STK39: variants seen among roughly 807,000 people sequenced by gnomAD.
STK39 encodes the protein serine/threonine kinase 39.
STK39 carries 20 observed loss-of-function variants against 77.8 expected under a neutral mutation model. The ratio of observed to expected loss-of-function variants is 0.26; its 90% confidence interval spans 0.18 to 0.37. The LOEUF is 0.37. STK39 is among the 10% of genes least tolerant of loss of function. The pLI is 1.00. For missense variants in STK39, 479 were observed against 656.5 expected, an observed-to-expected ratio of 0.73 and a Z score of 2.95; for synonymous variants, 246 against 234.1, an observed-to-expected ratio of 1.05 and a Z score of -0.47.
At chr2:168,156,556 C>G (rs553838424) in intron 5 of STK39, among the ~76,000 whole-genome samples, 453 of 152,290 alleles carry the variant, frequency 3.0e-3, no homozygotes, top group Non-Finnish European at 4.9e-3. Context: ...GTGAGCTTAC[C>G]ACACCCTAAG....
chr2:168,245,227 C>A (rs537332567), intron 1 of STK39, among the ~76,000 whole-genome samples: 1 of 152,202 alleles, frequency 6.6e-6, no homozygotes, highest in African/African-American at 2.4e-5. Context: ...CCCAGCTCAA[C>A]TACGACCTCT....
At chr2:168,025,946 T>C (rs6717944) in intron 14 of STK39, among the ~76,000 whole-genome samples, 99,285 of 152,108 alleles carry the variant, frequency 0.65, 33,379 homozygotes, top group Non-Finnish European at 0.74. Context: ...TTACCAGCAA[T>C]GACATTCAGT....
chr2:168,034,718 TC>T (rs1684909167), intron 14 of STK39, among the ~76,000 whole-genome samples: 1 of 152,194 alleles, frequency 6.6e-6, no homozygotes, highest in Non-Finnish European at 1.5e-5. Flanking sequence ...GCAGAAACGC[TC>T]CTGGCAACCA....
At chr2:168,023,558 G>A (rs1684625107) in intron 14 of STK39, among the ~76,000 whole-genome samples, 2 of 152,078 alleles carry the variant, frequency 1.3e-5, no homozygotes, top group South Asian at 4.2e-4. Context: ...TATTGCTCCT[G>A]GAGGGCTCCA....
At chr2:168,147,258 T>C (rs1420060562) in intron 5 of STK39, among the ~76,000 whole-genome samples, 1 of 152,194 alleles carries the variant, frequency 6.6e-6, no homozygotes, top group Non-Finnish European at 1.5e-5. Context: ...TTTTTTCTCA[T>C]GAGAGACTCT....
chr2:168,176,334 A>T (rs1688955754), intron 2 of STK39, among the ~76,000 whole-genome samples: 1 of 152,176 alleles, frequency 6.6e-6, no homozygotes, highest in South Asian at 2.1e-4. Context: ...AGAGAAAAAA[A>T]AAACCTTCTG....
chr2:168,178,034 T>C (rs1319252935), intron 2 of STK39, among the ~76,000 whole-genome samples: 2 of 152,204 alleles, frequency 1.3e-5, no homozygotes, highest in African/African-American at 4.8e-5. Flanking sequence ...TCCATTCTGT[T>C]TTCCCATCAC....
intron 13 of STK39, among the ~76,000 whole-genome samples, chr2:168,064,647 G>A (rs1017432324): frequency 1.3e-5 from 2 of 152,198 alleles, no homozygotes; most frequent in African/African-American, 4.8e-5. Flanking sequence ...TGAATATGCA[G>A]AGTTTGAAAG....
intron 17 of STK39, among the ~76,000 whole-genome samples, chr2:167,958,008 G>C (rs1201179259): frequency 6.6e-6 from 1 of 152,162 alleles, no homozygotes; most frequent in East Asian, 1.9e-4. Flanking sequence ...TCCTTCCTCT[G>C]CTACCTGGGC....
Position 168,247,354 on chromosome 2 carries a change from GGGCC to G in STK39, c.78_81del (p.Ala27ArgfsTer62). The G allele has an allele frequency of 9.5e-7, 1 of 1,056,356 alleles. No individual in the cohort carries two copies. Among genetic ancestry groups the G allele is most frequent in the Non-Finnish European group, 1.1e-6 (1 of 874,174 alleles). 65.4% of individuals were successfully genotyped at this position (1,056,356 alleles called of 1,614,324 possible). ...GCCGGCGCTGCTGTCGCGGCCGCCG[GGGCC>G]GCCGCCGCCGCCGCTGTCACCGGGG... On this transcript the variant is annotated frameshift_variant, in exon 1 of 18. Coordinates refer to ENST00000355999, the MANE Select transcript of STK39 (RefSeq NM_013233.3). LOFTEE classifies it high-confidence loss of function.
At chr2:168,091,028 G>A (rs1489324801) in intron 10 of STK39, among the ~76,000 whole-genome samples, 1 of 152,094 alleles carries the variant, frequency 6.6e-6, no homozygotes, top group African/African-American at 2.4e-5. Context: ...ATAATTCAAA[G>A]AAGCAAACAG....
chr2:168,112,280 G>A (rs560257652), intron 10 of STK39, among the ~76,000 whole-genome samples: 2 of 152,038 alleles, frequency 1.3e-5, no homozygotes, highest in Admixed American at 6.6e-5. Flanking sequence ...GGACTCCTAA[G>A]GTTCTTCAAA....
At chr2:168,019,847 G>C (rs966719093) in intron 14 of STK39, among the ~76,000 whole-genome samples, 3 of 152,134 alleles carry the variant, frequency 2.0e-5, no homozygotes, top group Non-Finnish European at 4.4e-5. Flanking sequence ...GAGACTACAG[G>C]AGTGTGCTAC....
At chr2:168,216,931 A>T (rs1056629427) in intron 1 of STK39, among the ~76,000 whole-genome samples, 10 of 152,182 alleles carry the variant, frequency 6.6e-5, no homozygotes, top group Non-Finnish European at 1.2e-4. Flanking sequence ...AGGCTTTTTT[A>T]AAAGCCAGCC....
chr2:168,145,313 T>C (rs1688107662), intron 5 of STK39, among the ~76,000 whole-genome samples: 1 of 152,112 alleles, frequency 6.6e-6, no homozygotes, highest in Non-Finnish European at 1.5e-5. Context: ...AAACAACAGC[T>C]ACAGTCTCAG....
chr2:168,181,758 A>G (rs1303068730), intron 2 of STK39, among the ~76,000 whole-genome samples: 4 of 152,210 alleles, frequency 2.6e-5, no homozygotes, highest in African/African-American at 9.7e-5. Flanking sequence ...ATTCGAACTG[A>G]GCAAAATACT....
intron 16 of STK39, among the ~76,000 whole-genome samples, chr2:167,983,533 C>A (rs1574366117): frequency 6.8e-6 from 1 of 147,014 alleles, no homozygotes; most frequent in South Asian, 2.2e-4. Flanking sequence ...GAAATAGAAA[C>A]TGGTGGTGAT....
chr2:168,222,786 G>A (rs568998185), intron 1 of STK39, among the ~76,000 whole-genome samples: 1 of 152,174 alleles, frequency 6.6e-6, no homozygotes, highest in South Asian at 2.1e-4. Flanking sequence ...CCAATGGAGG[G>A]GTACACTGAT....
At chr2:168,170,974 T>C (rs1203915310) in intron 2 of STK39, among the ~76,000 whole-genome samples, 1 of 152,154 alleles carries the variant, frequency 6.6e-6, no homozygotes, top group Non-Finnish European at 1.5e-5. Context: ...TACAGAACTC[T>C]GAAATGCAGG....
Sources: allele counts gnomAD v4.1 joint callset (sites outside exome capture counted in the v4.1 genomes callset), GRCh38; gene constraint gnomAD v4.1.1; transcripts MANE v1.5; gene names NCBI Gene and HGNC (gene_info 2026-07-23, HGNC 2026-07-21).